Variants in ERCC8 observed in about 807,000 individuals in gnomAD.
ERCC8 encodes the protein ERCC excision repair 8, CSA ubiquitin ligase complex subunit.
ERCC8 carries 52 observed loss-of-function variants against 54.9 expected under a neutral mutation model. That is an observed-to-expected ratio of 0.95 (90% CI 0.76 to 1.19). ERCC8 has a LOEUF of 1.19. Ranked by LOEUF, ERCC8 falls within the 50% of genes most tolerant of loss-of-function variation. ERCC8 has a pLI of 0.00. For missense variants in ERCC8, 514 were observed against 466.1 expected (o/e 1.10, Z -0.95); for synonymous variants, 146 against 157.2 (o/e 0.93, Z 0.53).
intron 6 of ERCC8, 132 bp from the exon 7 acceptor site, chr5:60,902,640 G>A: frequency 1.4e-6 from 1 of 730,928 alleles, no homozygotes; most frequent in Admixed American, 2.0e-5. Context: ...CCATTTTTCA[G>A]ATTTATAATA....
At position 60,872,575 on chromosome 5, in the gene ERCC8, AAAC is replaced by A. The variant is rs750732104; in HGVS notation, c.*2037_*2039del. 5.3e-4 allele frequency among the ~76,000 whole-genome samples: 81 copies of A among 152,332 alleles called. No individual in the cohort carries two copies. Among genetic ancestry groups the A allele is most frequent in the Middle Eastern group, 6.8e-3 (2 of 294 alleles). On this transcript the variant is annotated 3_prime_UTR_variant, in exon 12 of 12. Transcript: ENST00000676185. The stretch of plus-strand genomic sequence containing the variant: ...GCAGTCACCAGGGAAATGCAAATTA[AAAC>A]AACGAGATACCACCTAACACCTGTT...
chr5:60,921,312 T>C (rs953578339), intron 3 of ERCC8, among the ~76,000 whole-genome samples: 1 of 151,938 alleles, frequency 6.6e-6, no homozygotes, highest in Non-Finnish European at 1.5e-5. Context: ...TTGATGTTAA[T>C]GTTTACAAAG....
rs4647038 is a variant in ERCC8 at position 60,945,031 on chromosome 5, A to G, written c.-23T>C. 3 of 1,604,902 alleles carry G rather than the reference A, an allele frequency of 1.9e-6. No individual in the cohort carries two copies. The highest frequency in any genetic ancestry group is 2.6e-6 in the Non-Finnish European group (3 of 1,171,624). On this transcript the variant is annotated 5_prime_UTR_variant, in exon 1 of 12. Coordinates refer to ENST00000676185, the MANE Select transcript of ERCC8 (RefSeq NM_000082.4). ...CATATCGTGTCCTCACACCGGCTGG[A>G]GCACTGGACGTCGCCATGACAGAGC...
At chr5:60,931,791 C>T (rs1749916578) in intron 1 of ERCC8, among the ~76,000 whole-genome samples, 1 of 152,056 alleles carries the variant, frequency 6.6e-6, no homozygotes, top group Non-Finnish European at 1.5e-5. Flanking sequence ...CAAGTAAAAA[C>T]AGTATCATTC....
chr5:60,892,808 C>T (rs2112479020), intron 9 of ERCC8: 15 of 679,300 alleles, frequency 2.2e-5, no homozygotes, highest in South Asian at 1.7e-4. Context: ...GCATGAATTT[C>T]GTGACCCCAG....
chr5:60,893,132 C>A, intron 9 of ERCC8: 1 of 802,650 alleles, frequency 1.2e-6, no homozygotes, highest in Non-Finnish European at 2.2e-6. Flanking sequence ...GGATAGCCTC[C>A]CCCATTTGGA....
intron 1 of ERCC8, among the ~76,000 whole-genome samples, chr5:60,936,452 C>A (rs1393050846): frequency 6.6e-6 from 1 of 152,076 alleles, no homozygotes; most frequent in Non-Finnish European, 1.5e-5. Flanking sequence ...TTTTATTTAT[C>A]TTTTGAAAGA....
chr5:60,945,063 G>C lies in ERCC8; in HGVS notation c.-55C>G, dbSNP rs751393209. 10 of 1,523,310 alleles carry C rather than the reference G, an allele frequency of 6.6e-6. No homozygotes were observed. Among genetic ancestry groups the C allele is most frequent in the Non-Finnish European group, 2.7e-6 (3 of 1,097,340 alleles). 94.4% of individuals were successfully genotyped at this position (1,523,310 alleles called of 1,614,324 possible). ...GACGTCGCCATGACAGAGCTCAGGG[G>C]CGGGACTGGAACAGCAGAGTCTCCC... On this transcript the variant is annotated 5_prime_UTR_variant, in exon 1 of 12. Transcript: ENST00000676185.
intron 11 of ERCC8, among the ~76,000 whole-genome samples, chr5:60,884,244 C>T (rs898141861): frequency 1.3e-5 from 2 of 151,984 alleles, no homozygotes; most frequent in African/African-American, 2.4e-5. Flanking sequence ...CTTTGGGAGG[C>T]CGAGGCGGGT....
At chr5:60,902,615 T>A (rs1748935951) in intron 6 of ERCC8, 107 bp from the exon 7 acceptor site, 5 of 836,974 alleles carry the variant, frequency 6.0e-6, no homozygotes, top group African/African-American at 1.7e-5. Flanking sequence ...AAATATTCAA[T>A]GTGAATAGAT....
At chr5:60,927,875 A>C (rs1749797410) in intron 2 of ERCC8, among the ~76,000 whole-genome samples, 1 of 152,226 alleles carries the variant, frequency 6.6e-6, no homozygotes, top group East Asian at 1.9e-4. Context: ...AGTAGATGAG[A>C]CCATGGTGGA....
intron 1 of ERCC8, among the ~76,000 whole-genome samples, chr5:60,930,699 C>T (rs1235859967): frequency 6.6e-6 from 1 of 152,204 alleles, no homozygotes; most frequent in African/African-American, 2.4e-5. Flanking sequence ...GCACTCCAGC[C>T]TGGGTGACAT....
At chr5:60,895,071 TGAGA>T (rs962980316) in intron 9 of ERCC8, among the ~76,000 whole-genome samples, 2 of 149,276 alleles carry the variant, frequency 1.3e-5, no homozygotes, top group African/African-American at 5.0e-5. Flanking sequence ...CTCAGGAGGC[TGAGA>T]GAGAGAATTG....
At chr5:60,914,324 C>T (rs1749361655) in intron 4 of ERCC8, among the ~76,000 whole-genome samples, 1 of 151,920 alleles carries the variant, frequency 6.6e-6, no homozygotes, top group African/African-American at 2.4e-5. Flanking sequence ...TTGTTGTGAT[C>T]CCTTTACCAT....
In ERCC8 at chr5:60,931,600, C is replaced by T. The variant is rs144224808; in HGVS notation, c.78-2641G>A. On this transcript the variant is annotated intron_variant, in intron 1 of 11. Transcript: ENST00000676185. ...CTGGGATTACAGGTGTGAGCCACCACATTCAGCCCTGAACTTTGACATTCT... is the reference window on the plus strand; with the variant it reads ...CTGGGATTACAGGTGTGAGCCACCATATTCAGCCCTGAACTTTGACATTCT... Among the ~76,000 whole-genome samples, 23 of 152,290 alleles carry T rather than the reference C, an allele frequency of 1.5e-4. 2 individuals are homozygous for T. In the East Asian group the frequency reaches 4.2e-3, roughly 28 times the overall value.
chr5:60,925,723 TGTAA>T (rs926690128), intron 2 of ERCC8, among the ~76,000 whole-genome samples: 28 of 152,222 alleles, frequency 1.8e-4, no homozygotes, highest in African/African-American at 6.8e-4. Flanking sequence ...CTAGTTTGGT[TGTAA>T]GTGTTAATCT....
chr5:60,918,716 G>A (rs963013805), intron 3 of ERCC8: 2 of 330,912 alleles, frequency 6.0e-6, no homozygotes, highest in Non-Finnish European at 1.2e-5. Context: ...CTTACTGGAA[G>A]AGACAGCTGT....
chr5:60,890,832 A>G, intron 10 of ERCC8, 57 bp downstream of exon 10: 1 of 1,232,572 alleles, frequency 8.1e-7, no homozygotes, highest in South Asian at 1.2e-5. Context: ...TCTTTTACAT[A>G]TAACTGGTCT....
intron 11 of ERCC8, among the ~76,000 whole-genome samples, chr5:60,884,407 C>T (rs896187508): frequency 7.1e-6 from 1 of 140,084 alleles, no homozygotes; most frequent in Non-Finnish European, 1.5e-5. Context: ...ACCCAGGAGG[C>T]GGAGCTTGCA....
Sources: gnomAD v4.1 joint callset for allele counts (sites outside exome capture counted in the v4.1 genomes callset) on GRCh38, gnomAD v4.1.1 for gene constraint, MANE v1.5 for transcripts, NCBI Gene and HGNC (gene_info 2026-07-23, HGNC 2026-07-21) for gene names.